ZC3H12B: variants seen among roughly 807,000 people sequenced by gnomAD.
ZC3H12B encodes the protein zinc finger CCCH-type containing 12B.
ZC3H12B carries 7 observed loss-of-function variants against 43.9 expected under a neutral mutation model. That is an observed-to-expected ratio of 0.16 (90% CI 0.09 to 0.30). The LOEUF (loss-of-function observed/expected upper bound fraction) is 0.30. ZC3H12B is among the 10% of genes least tolerant of loss of function. The pLI, the probability that ZC3H12B is intolerant of heterozygous loss-of-function variation, is 1.00. For missense variants in ZC3H12B, 475 were observed against 670.2 expected (o/e 0.71, Z 3.22); for synonymous variants, 222 against 241.7 (o/e 0.92, Z 0.76).
At chrX:65,269,467 T>A in the ZC3H12B span, among the ~76,000 whole-genome samples, 1 of 111,221 alleles carries the variant, frequency 9.0e-6, no homozygotes, top group African/African-American at 3.3e-5. Context: ...TACAATAGCA[T>A]CAAAAAATTA....
the ZC3H12B span, among the ~76,000 whole-genome samples, chrX:65,165,316 G>T: frequency 8.9e-6 from 1 of 111,905 alleles, no homozygotes; most frequent in African/African-American, 3.2e-5. Context: ...AGAACGTACA[G>T]GTTTGATACA....
chrX:65,387,523 C>T (rs867326946), intron 2 of ZC3H12B, among the ~76,000 whole-genome samples: 7 of 111,855 alleles, frequency 6.3e-5, no homozygotes, highest in South Asian at 7.5e-4. Flanking sequence ...TTATTTTGAG[C>T]CTATGTGTGT....
At chrX:65,097,113 C>G in the ZC3H12B span, among the ~76,000 whole-genome samples, 1 of 111,920 alleles carries the variant, frequency 8.9e-6, no homozygotes, top group Non-Finnish European at 1.9e-5. Context: ...TGGTTTGTTC[C>G]TAGATACATT....
the ZC3H12B span, among the ~76,000 whole-genome samples, chrX:65,265,617 A>T: frequency 4.5e-5 from 5 of 112,063 alleles, no homozygotes; most frequent in Non-Finnish European, 1.9e-5. Context: ...CATTCCACAT[A>T]CTGTAGCTGT....
chrX:65,457,561 G>T (rs1378636196), intron 3 of ZC3H12B, among the ~76,000 whole-genome samples: 1 of 85,421 alleles, frequency 1.2e-5, no homozygotes, highest in African/African-American at 9.4e-5. Flanking sequence ...CCGTCTGGGA[G>T]GTGTGCCCAG....
intron 3 of ZC3H12B, among the ~76,000 whole-genome samples, chrX:65,417,372 AT>A (rs1290154919): frequency 8.9e-6 from 1 of 112,570 alleles, no homozygotes; most frequent in African/African-American, 3.2e-5. Flanking sequence ...TAAATCAAAC[AT>A]GTTTATTTAT....
At chrX:65,104,479 C>T in the ZC3H12B span, among the ~76,000 whole-genome samples, 1 of 111,513 alleles carries the variant, frequency 9.0e-6, no homozygotes, top group African/African-American at 3.3e-5. Flanking sequence ...ACCAGACAAC[C>T]TACAGAATGG....
intron 3 of ZC3H12B, among the ~76,000 whole-genome samples, chrX:65,401,097 AC>A (rs1250264791): frequency 9.2e-6 from 1 of 108,820 alleles, no homozygotes; most frequent in African/African-American, 3.5e-5. Context: ...AAAAAAAAAA[AC>A]ACCTTCATTA....
chrX:65,274,702 A>C, the ZC3H12B span, among the ~76,000 whole-genome samples: 1 of 109,944 alleles, frequency 9.1e-6, no homozygotes, highest in Admixed American at 9.7e-5. Context: ...GAACCTGATA[A>C]ACAGCCCCAC....
In ZC3H12B at chrX:65,408,290, G is replaced by A. The variant is rs1157483816; in HGVS notation, n.407+9586G>A. ...TGTGATGTATTACGAAATGCCATAT[G>A]GATTAAACATTGAAATGCACAAACA... On this transcript the variant is annotated intron_variant and non_coding_transcript_variant, in intron 3 of 5. Coordinates refer to the ZC3H12B transcript ENST00000617377. 3 of 1,174,422 alleles carry A rather than the reference G, an allele frequency of 2.6e-6. No homozygotes were observed. In the African/African-American group the frequency reaches 5.3e-5, roughly 21 times the overall value.
At chrX:65,238,566 T>C in the ZC3H12B span, among the ~76,000 whole-genome samples, 1 of 111,587 alleles carries the variant, frequency 9.0e-6, no homozygotes, top group Non-Finnish European at 1.9e-5. Flanking sequence ...TTGTGAAGTT[T>C]TGTTTGTGTC....
the ZC3H12B span, among the ~76,000 whole-genome samples, chrX:65,140,953 T>C: frequency 8.9e-6 from 1 of 112,070 alleles, no homozygotes; most frequent in Non-Finnish European, 1.9e-5. Context: ...TTCTCTTTGT[T>C]TATTTGTTAG....
At chrX:65,348,360 G>T in the ZC3H12B span, among the ~76,000 whole-genome samples, 1 of 111,363 alleles carries the variant, frequency 9.0e-6, no homozygotes, top group East Asian at 2.8e-4. Flanking sequence ...TATCCTCAAG[G>T]TAGCACTAAA....
chrX:65,178,293 G>C, the ZC3H12B span, among the ~76,000 whole-genome samples: 2 of 111,858 alleles, frequency 1.8e-5, no homozygotes, highest in African/African-American at 6.5e-5. Flanking sequence ...AATGTAAGAC[G>C]TAAAACCATA....
the ZC3H12B span, among the ~76,000 whole-genome samples, chrX:65,245,257 T>C: frequency 9.0e-6 from 1 of 111,320 alleles, no homozygotes; most frequent in Non-Finnish European, 1.9e-5. Context: ...AAAAATAGCC[T>C]ACCAACCAAA....
At chrX:65,240,268 G>GT in the ZC3H12B span, among the ~76,000 whole-genome samples, 1 of 111,369 alleles carries the variant, frequency 9.0e-6, no homozygotes, top group African/African-American at 3.3e-5. Context: ...GGTTTAGTTT[G>GT]TTTTTTAATT....
the ZC3H12B span, among the ~76,000 whole-genome samples, chrX:65,038,785 A>T: frequency 9.0e-6 from 1 of 111,384 alleles, no homozygotes; most frequent in Non-Finnish European, 1.9e-5. Context: ...GTCTGGAGGT[A>T]GGACAGTATT....
At chrX:65,136,751 C>G in the ZC3H12B span, among the ~76,000 whole-genome samples, 1 of 111,450 alleles carries the variant, frequency 9.0e-6, no homozygotes, top group Non-Finnish European at 1.9e-5. Flanking sequence ...CGTGAAGTCC[C>G]TAGTTAGGCT....
chrX:65,251,530 C>A, the ZC3H12B span, among the ~76,000 whole-genome samples: 1 of 111,009 alleles, frequency 9.0e-6, no homozygotes, highest in Admixed American at 9.6e-5. Context: ...TACCTTGGAC[C>A]GTATGGCCAT....
Sources: gnomAD v4.1 joint callset for allele counts (sites outside exome capture counted in the v4.1 genomes callset) on GRCh38, gnomAD v4.1.1 for gene constraint, MANE v1.5 for transcripts, NCBI Gene and HGNC (gene_info 2026-07-23, HGNC 2026-07-21) for gene names.